Variants in CHKA observed in about 807,000 individuals in gnomAD.
The protein encoded by CHKA is CHETK-alpha.
A neutral mutation model predicts 60.1 loss-of-function variants in CHKA; 34 were observed. The ratio of observed to expected loss-of-function variants is 0.57; its 90% CI spans 0.43 to 0.75. The LOEUF is 0.75. Ranked by LOEUF, CHKA falls within the 30% of genes least tolerant of loss-of-function variation. The probability of loss-of-function intolerance (pLI) is 0.00; values close to 1 mark genes in which losing one functional copy is unlikely to be tolerated. For missense variants in CHKA, 563 were observed against 561.3 expected (o/e 1.00, Z -0.03); for synonymous variants, 217 against 223.1 (o/e 0.97, Z 0.24).
At chr11:68,092,895 T>C (rs1346794396) in intron 2 of CHKA, among the ~76,000 whole-genome samples, 4 of 152,030 alleles carry the variant, frequency 2.6e-5, no homozygotes, top group African/African-American at 9.7e-5. Flanking sequence ...AGCAAAGAAA[T>C]AGTTTTTTTC....
intron 3 of CHKA, among the ~76,000 whole-genome samples, chr11:68,075,437 A>C (rs1856755701): frequency 6.6e-6 from 1 of 151,744 alleles, no homozygotes; most frequent in African/African-American, 2.4e-5. Context: ...TGTCTTGCTG[A>C]AATCTCTATG....
At chr11:68,080,213 C>T (rs1856935674) in intron 3 of CHKA, among the ~76,000 whole-genome samples, 1 of 152,296 alleles carries the variant, frequency 6.6e-6, no homozygotes, top group East Asian at 1.9e-4. Context: ...CTCCAGAGAG[C>T]ACAAGTTCTA....
intron 1 of CHKA, among the ~76,000 whole-genome samples, chr11:68,105,109 A>G (rs555540489): frequency 6.6e-6 from 1 of 152,170 alleles, no homozygotes; most frequent in African/African-American, 2.4e-5. Flanking sequence ...ATCTCAAAAA[A>G]AAAAAGAGAT....
chr11:68,089,043 C>G (rs2511437), intron 2 of CHKA, among the ~76,000 whole-genome samples: 1 of 152,022 alleles, frequency 6.6e-6, no homozygotes, highest in Admixed American at 6.5e-5. Flanking sequence ...GCCTAAAACA[C>G]CTTGATCTTT....
At chr11:68,113,761 G>A (rs1320560217) in intron 1 of CHKA, among the ~76,000 whole-genome samples, 2 of 152,000 alleles carry the variant, frequency 1.3e-5, no homozygotes, top group African/African-American at 2.4e-5. Context: ...TTGGGAGGCC[G>A]AGGCAGGTGG....
At chr11:68,095,402 C>CA (rs35029853) in intron 2 of CHKA, among the ~76,000 whole-genome samples, 3 of 12,502 alleles carry the variant, frequency 2.4e-4, no homozygotes, top group Non-Finnish European at 3.9e-4. Context: ...GACTCCATCT[C>CA]AAAAAAAAAA....
At chr11:68,064,407 CAA>C (rs776074281) in intron 10 of CHKA, 116 bp downstream of exon 10, 2,775 of 410,696 alleles carry the variant, frequency 6.8e-3, no homozygotes, top group South Asian at 8.8e-3. Flanking sequence ...GACTCTGTCT[CAA>C]AAAAAAAAAA....
At position 68,055,163 on chromosome 11, in the gene CHKA, C is replaced by T. The variant is rs973065394; in HGVS notation, c.1315-1116G>A. Among the ~76,000 whole-genome samples the T allele has an allele frequency of 1.8e-4, 27 of 152,316 alleles. 1 individual carries two copies. Among genetic ancestry groups the T allele is most frequent in the African/African-American group, 6.3e-4 (26 of 41,576 alleles). On this transcript the variant is annotated intron_variant, in intron 11 of 11. Transcript: ENST00000265689. ...ATCCCAACACTTTGGAAGGCCAAGG[C>T]AGACGGATCACTTGAGGTCAGGAGT...
chr11:68,073,747 T>C (rs943699814), intron 4 of CHKA, among the ~76,000 whole-genome samples: 11 of 152,106 alleles, frequency 7.2e-5, no homozygotes, highest in African/African-American at 2.7e-4. Context: ...AGAGCACCCC[T>C]CTGCCAGGCA....
In CHKA at chr11:68,070,596, G is replaced by A. The variant is rs530240724; in HGVS notation, c.764+128C>T. ...CTTACTTATGAGACAAGTATCACCA[G>A]CTGACACCCTGCACTTCAGTGAACT... On this transcript the variant is annotated intron_variant, in intron 5 of 11. Coordinates refer to ENST00000265689, the MANE Select transcript of CHKA (RefSeq NM_001277.3). 27 of 978,276 alleles carry A rather than the reference G, an allele frequency of 2.8e-5. No individual in the cohort carries two copies. The East Asian group carries it at 2.9e-4, about 11-fold the overall frequency. 60.6% of individuals were successfully genotyped at this position (978,276 alleles called of 1,614,324 possible). A position where few individuals can be genotyped will look rare whatever the true frequency, so the allele number is the denominator to read the frequency against.
intron 1 of CHKA, 72 bp from the exon 2 acceptor site, chr11:68,097,202 G>T: frequency 8.7e-7 from 1 of 1,147,864 alleles, no homozygotes; most frequent in Non-Finnish European, 1.3e-6. Context: ...GATAAATATG[G>T]ATGAAAAGTC....
intron 2 of CHKA, among the ~76,000 whole-genome samples, chr11:68,095,708 C>CAAAAAAAAAAAAAAAAA (rs55959031): frequency 7.6e-5 from 1 of 13,132 alleles, no homozygotes; most frequent in African/African-American, 3.9e-4. Context: ...GACTCCGTCG[C>CAAAAAAAAAAAAAAAAA]AAAAAAAAAA....
intron 2 of CHKA, among the ~76,000 whole-genome samples, chr11:68,095,391 A>C (rs890576360): frequency 1.7e-5 from 2 of 115,210 alleles, no homozygotes; most frequent in Admixed American, 1.0e-4. Flanking sequence ...CAACAGAGCA[A>C]GACTCCATCT....
At chr11:68,111,814 G>A (rs1858154775) in intron 1 of CHKA, among the ~76,000 whole-genome samples, 2 of 152,030 alleles carry the variant, frequency 1.3e-5, no homozygotes, top group African/African-American at 2.4e-5. Flanking sequence ...AGCACTTTGG[G>A]AGGCTGAGGC....
At chr11:68,119,078 C>A (rs1439920288) in intron 1 of CHKA, among the ~76,000 whole-genome samples, 2 of 152,186 alleles carry the variant, frequency 1.3e-5, no homozygotes, top group African/African-American at 4.8e-5. Context: ...CTAAAATGAT[C>A]GCCCTTCTAG....
rs780865806 is a variant in CHKA at position 68,066,437 on chromosome 11, G to A, written c.1008C>T (p.Tyr336=). ...LMLIDFEYSS[Y]NYRGFDIGNH... ...GGACTGTAACACAGTACCTGTAATTGTAACTGCTGTATTCGAAATCAATGA... is the reference window on the plus strand; with the variant it reads ...GGACTGTAACACAGTACCTGTAATTATAACTGCTGTATTCGAAATCAATGA... Residue 336 remains tyrosine (Y), a synonymous_variant, in exon 8 of 12, where the codon TAC becomes TAT. Coordinates refer to ENST00000265689, the MANE Select transcript of CHKA (RefSeq NM_001277.3). The A allele has an allele frequency of 1.2e-6, 2 of 1,611,354 alleles. No individual in the cohort carries two copies. The highest frequency in any genetic ancestry group is 2.2e-5 in the East Asian group (1 of 44,894).
At chr11:68,096,856 A>G (rs894827892) in intron 2 of CHKA, among the ~76,000 whole-genome samples, 163 bp downstream of exon 2, 4 of 152,260 alleles carry the variant, frequency 2.6e-5, no homozygotes, top group African/African-American at 9.6e-5. Context: ...TTAGAATGCA[A>G]ACCAAGCTGT....
intron 1 of CHKA, among the ~76,000 whole-genome samples, chr11:68,099,858 C>T (rs1471251966): frequency 2.0e-5 from 3 of 152,138 alleles, no homozygotes; most frequent in Non-Finnish European, 4.4e-5. Context: ...CAAAGTTTAC[C>T]CCCGTACTGC....
intron 2 of CHKA, among the ~76,000 whole-genome samples, chr11:68,083,003 C>T (rs1038782980): frequency 5.9e-5 from 9 of 152,204 alleles, no homozygotes; most frequent in Admixed American, 4.6e-4. Context: ...CTTCCCTTCA[C>T]CCTAATTCCA....
Sources: allele counts gnomAD v4.1 joint callset (sites outside exome capture counted in the v4.1 genomes callset), GRCh38; gene constraint gnomAD v4.1.1; transcripts MANE v1.5; gene names NCBI Gene and HGNC (gene_info 2026-07-23, HGNC 2026-07-21).